DGKI: variants seen among roughly 807,000 people sequenced by gnomAD.
The protein encoded by DGKI is DAG kinase iota.
Under a neutral mutation model 147.5 loss-of-function variants are expected in DGKI, and 55 were observed. That is an observed-to-expected ratio of 0.37 (90% CI 0.30 to 0.47). The LOEUF (loss-of-function observed/expected upper bound fraction) is 0.47. Among genes scored for constraint, DGKI ranks in the 20% least tolerant of loss-of-function variants. The pLI is 1.00. For missense variants in DGKI, 1,007 were observed against 1,323.8 expected, an observed-to-expected ratio of 0.76 and a Z score of 3.71; for synonymous variants, 469 against 477.1, an observed-to-expected ratio of 0.98 and a Z score of 0.22.
At chr7:137,401,318 G>A (rs961450461) in intron 30 of DGKI, among the ~76,000 whole-genome samples, 4 of 151,720 alleles carry the variant, frequency 2.6e-5, no homozygotes, top group African/African-American at 9.7e-5. Context: ...GACTGTTTGA[G>A]CCCAGGAATT....
At chr7:137,436,353 T>C (rs1386699035) in intron 28 of DGKI, among the ~76,000 whole-genome samples, 2 of 152,162 alleles carry the variant, frequency 1.3e-5, no homozygotes, top group Admixed American at 6.5e-5. Context: ...AATCACTTTC[T>C]ACCCAATAAA....
intron 8 of DGKI, among the ~76,000 whole-genome samples, chr7:137,610,181 C>A (rs1362302071): frequency 6.6e-6 from 1 of 151,954 alleles, no homozygotes; most frequent in Non-Finnish European, 1.5e-5. Context: ...ATGTAAAATG[C>A]AAAGATAATA....
chr7:137,618,478 A>C (rs1563114871), intron 8 of DGKI, among the ~76,000 whole-genome samples: 1 of 151,282 alleles, frequency 6.6e-6, no homozygotes, highest in Non-Finnish European at 1.5e-5. Flanking sequence ...CCTCCCCCCC[A>C]CTTCATAACA....
chr7:137,414,942 T>G (rs780476969), intron 28 of DGKI, among the ~76,000 whole-genome samples: 1 of 152,218 alleles, frequency 6.6e-6, no homozygotes, highest in East Asian at 1.9e-4. Flanking sequence ...TAAAGTGTTT[T>G]ATAAATAGGT....
chr7:137,617,924 A>G (rs554740943), intron 8 of DGKI, among the ~76,000 whole-genome samples: 9 of 151,274 alleles, frequency 5.9e-5, no homozygotes, highest in Non-Finnish European at 1.2e-4. Flanking sequence ...TGGCTAGAGG[A>G]TTCATTATAA....
rs1462954268 is a variant in DGKI, at chr7:137,423,271, G to A, written c.2762-11064C>T. On this transcript the variant is annotated intron_variant, in intron 28 of 32. Coordinates refer to ENST00000614521, the MANE Select transcript of DGKI (RefSeq NM_001321708.2). ...TAGCTCTGGTGACTGTTACAGAGAA[G>A]CACAGAGAAAGCTTCAGGCGTTGGC... Among the ~76,000 whole-genome samples the A allele has an allele frequency of 3.3e-5, 5 of 152,298 alleles. No individual in the cohort carries two copies. In the East Asian group the frequency reaches 5.8e-4, roughly 18 times the overall value.
At chr7:137,575,537 C>G (rs148645613) in intron 17 of DGKI, among the ~76,000 whole-genome samples, 2 of 152,128 alleles carry the variant, frequency 1.3e-5, no homozygotes, top group Non-Finnish European at 2.9e-5. Context: ...ACTGTGGATG[C>G]GCCTGTAAAT....
intron 6 of DGKI, among the ~76,000 whole-genome samples, chr7:137,636,092 G>A (rs1821301522): frequency 6.6e-6 from 1 of 152,198 alleles, no homozygotes. Context: ...CCTGACAACA[G>A]AAGCTGGAAG....
chr7:137,714,849 G>C (rs1794329238), intron 1 of DGKI, among the ~76,000 whole-genome samples: 1 of 152,112 alleles, frequency 6.6e-6, no homozygotes, highest in East Asian at 1.9e-4. Context: ...TTCATGCAAG[G>C]GTGTCCCTCA....
At chr7:137,478,375 C>T (rs949604215) in intron 23 of DGKI, among the ~76,000 whole-genome samples, 2 of 152,150 alleles carry the variant, frequency 1.3e-5, no homozygotes, top group African/African-American at 4.8e-5. Flanking sequence ...TTCTTCCGTA[C>T]GCAGGGTACA....
At chr7:137,584,534 G>T (rs1485629057) in intron 14 of DGKI, among the ~76,000 whole-genome samples, 2 of 152,168 alleles carry the variant, frequency 1.3e-5, no homozygotes, top group African/African-American at 2.4e-5. Context: ...AATAGATACT[G>T]GGGACCACTA....
At chr7:137,510,556 G>C (rs1007027202) in intron 21 of DGKI, among the ~76,000 whole-genome samples, 2 of 152,190 alleles carry the variant, frequency 1.3e-5, no homozygotes, top group Non-Finnish European at 2.9e-5. Flanking sequence ...TGAAAATCAA[G>C]ATGAAATATT....
intron 1 of DGKI, among the ~76,000 whole-genome samples, chr7:137,751,805 A>C (rs1459784732): frequency 6.6e-6 from 1 of 152,152 alleles, no homozygotes; most frequent in Non-Finnish European, 1.5e-5. Flanking sequence ...CCTGCATTCC[A>C]ATAAAACTTT....
chr7:137,602,635 T>C (rs1443260866), intron 10 of DGKI, among the ~76,000 whole-genome samples: 1 of 152,216 alleles, frequency 6.6e-6, no homozygotes, highest in East Asian at 1.9e-4. Context: ...TGAATTCTAT[T>C]AACTCTGCTG....
chr7:137,807,712 G>A (rs1322493836), intron 1 of DGKI, among the ~76,000 whole-genome samples: 3 of 152,152 alleles, frequency 2.0e-5, no homozygotes, highest in South Asian at 4.1e-4. Flanking sequence ...ACTAGAAACT[G>A]GAAAAAATAA....
At chr7:137,459,651 T>A (rs13239327) in intron 27 of DGKI, among the ~76,000 whole-genome samples, 17,490 of 151,712 alleles carry the variant, frequency 0.12, 2,094 homozygotes, top group African/African-American at 0.31. Flanking sequence ...ATTTTTTGTA[T>A]TTTTAGTAGA....
chr7:137,678,751 C>T (rs1450615276), intron 2 of DGKI, 99 bp from the exon 3 acceptor site: 1 of 1,047,582 alleles, frequency 9.5e-7, no homozygotes, highest in Non-Finnish European at 1.5e-6. Context: ...TTAGTGAAAC[C>T]AAGGAGTCTA....
chr7:137,736,174 G>T (rs1246363794), intron 1 of DGKI, among the ~76,000 whole-genome samples: 1 of 152,118 alleles, frequency 6.6e-6, no homozygotes, highest in African/African-American at 2.4e-5. Flanking sequence ...TTTCAGAGAA[G>T]ATGTCATTAA....
chr7:137,413,502 T>A (rs1812244221), intron 28 of DGKI, among the ~76,000 whole-genome samples: 1 of 152,106 alleles, frequency 6.6e-6, no homozygotes, highest in Non-Finnish European at 1.5e-5. Flanking sequence ...TACCCAAGAT[T>A]TAGCTCCCAC....
Sources: gnomAD v4.1 joint callset for allele counts (sites outside exome capture counted in the v4.1 genomes callset) on GRCh38, gnomAD v4.1.1 for gene constraint, MANE v1.5 for transcripts, NCBI Gene and HGNC (gene_info 2026-07-23, HGNC 2026-07-21) for gene names.